Variants in CTPS2 observed in about 807,000 individuals in gnomAD.
The protein encoded by CTPS2 is CTP synthase 2, also known as CTP synthase II.
CTPS2 carries 19 observed loss-of-function variants against 46.8 expected under a neutral mutation model. The ratio of observed to expected loss-of-function variants is 0.41; its 90% CI spans 0.28 to 0.60. The LOEUF is 0.60. Among genes scored for constraint, CTPS2 ranks in the 20% least tolerant of loss-of-function variants. CTPS2 has a pLI of 0.35. For synonymous variants in CTPS2, 151 were observed against 165.2 expected, an observed-to-expected ratio of 0.91 and a Z score of 0.66; for missense variants, 286 against 447.6, an observed-to-expected ratio of 0.64 and a Z score of 3.26.
intron 16 of CTPS2, among the ~76,000 whole-genome samples, chrX:16,612,198 T>C (rs1387215805): frequency 8.9e-6 from 1 of 112,452 alleles, no homozygotes; most frequent in Non-Finnish European, 1.9e-5. Context: ...ATGCTGTTGA[T>C]TGCTTTAAAC....
At chrX:16,592,038 T>C (rs1928929883) in intron 17 of CTPS2, among the ~76,000 whole-genome samples, 1 of 111,490 alleles carries the variant, frequency 9.0e-6, no homozygotes, top group African/African-American at 3.3e-5. Context: ...GTTCCCATAA[T>C]ACTTACATTA....
chrX:16,690,490 G>T (rs1454430476), intron 7 of CTPS2, among the ~76,000 whole-genome samples: 1 of 111,717 alleles, frequency 9.0e-6, no homozygotes, highest in Non-Finnish European at 1.9e-5. Flanking sequence ...CTTCGGCAAT[G>T]ACTCTGAGGC....
intron 7 of CTPS2, among the ~76,000 whole-genome samples, chrX:16,690,986 T>G (rs749585543): frequency 8.9e-6 from 1 of 112,440 alleles, no homozygotes; most frequent in Non-Finnish European, 1.9e-5. Flanking sequence ...GTAGGCTTCA[T>G]GTGGTTCTCT....
intron 6 of CTPS2, among the ~76,000 whole-genome samples, chrX:16,692,180 G>A (rs892233865): frequency 3.6e-5 from 4 of 110,949 alleles, no homozygotes; most frequent in Non-Finnish European, 7.5e-5. Context: ...CGGACTGGGC[G>A]TGGTGCAATC....
chrX:16,656,218 T>A (rs775474154), intron 13 of CTPS2, among the ~76,000 whole-genome samples: 13 of 110,487 alleles, frequency 1.2e-4, no homozygotes, highest in Non-Finnish European at 1.1e-4. Flanking sequence ...TGTGCACATA[T>A]CTGTGCTTTA....
chrX:16,666,689 A>G (rs1921220071), intron 13 of CTPS2, among the ~76,000 whole-genome samples: 1 of 111,763 alleles, frequency 8.9e-6, no homozygotes, highest in Admixed American at 9.5e-5. Flanking sequence ...GCCTGGGAGG[A>G]ATCAGGATGC....
chrX:16,708,550 T>C (rs1261381362), intron 1 of CTPS2, among the ~76,000 whole-genome samples: 4 of 110,395 alleles, frequency 3.6e-5, no homozygotes, highest in Admixed American at 2.0e-4. Flanking sequence ...ATTATATATA[T>C]ACATATATTA....
At chrX:16,651,683 C>T (rs147142923) in intron 13 of CTPS2, among the ~76,000 whole-genome samples, 8 of 112,209 alleles carry the variant, frequency 7.1e-5, no homozygotes, top group East Asian at 2.8e-4. Context: ...ATGAGGCAAC[C>T]GTGCATTTCT....
intron 13 of CTPS2, among the ~76,000 whole-genome samples, chrX:16,664,132 G>A (rs547836217): frequency 5.4e-5 from 6 of 112,072 alleles, no homozygotes; most frequent in South Asian, 7.3e-4. Context: ...CACTGCGCCC[G>A]GCCATGTGTA....
At chrX:16,689,627 A>G (rs1167322501) in intron 7 of CTPS2, 26 bp from the exon 8 acceptor site, 1 of 1,172,284 alleles carries the variant, frequency 8.5e-7, no homozygotes, top group Non-Finnish European at 1.1e-6. Context: ...AAATCACCAT[A>G]CTTAGATGGA....
intron 8 of CTPS2, among the ~76,000 whole-genome samples, chrX:16,685,924 C>A (rs1471354160): frequency 9.3e-6 from 1 of 107,721 alleles, no homozygotes; most frequent in Non-Finnish European, 1.9e-5. Context: ...AGAATTGTGC[C>A]CACCTTGACT....
intron 1 of CTPS2, among the ~76,000 whole-genome samples, chrX:16,703,179 C>A (rs928825539): frequency 9.2e-6 from 1 of 109,145 alleles, no homozygotes; most frequent in South Asian, 4.0e-4. Context: ...TGAGCACCAC[C>A]ACGCCCTGCT....
At chrX:16,645,430 CGG>C (rs1300609897) in intron 13 of CTPS2, among the ~76,000 whole-genome samples, 1 of 110,721 alleles carries the variant, frequency 9.0e-6, no homozygotes, top group African/African-American at 3.3e-5. Context: ...CTTCAGCAGA[CGG>C]GAAGGGAGGG....
intron 13 of CTPS2, among the ~76,000 whole-genome samples, chrX:16,642,838 A>G (rs1352357511): frequency 8.9e-6 from 1 of 112,217 alleles, no homozygotes; most frequent in Non-Finnish European, 1.9e-5. Context: ...AATCTCAAAT[A>G]TGCTTTAGAT....
intron 13 of CTPS2, among the ~76,000 whole-genome samples, chrX:16,643,425 T>C (rs752623889): frequency 1.6e-4 from 18 of 111,243 alleles, no homozygotes; most frequent in Non-Finnish European, 3.4e-4. Context: ...CAGGCTGGTC[T>C]TGAATTCCTG....
intron 13 of CTPS2, among the ~76,000 whole-genome samples, chrX:16,657,478 G>A (rs1932847478): frequency 9.0e-6 from 1 of 110,738 alleles, no homozygotes; most frequent in Admixed American, 9.7e-5. Context: ...CTGGTATATA[G>A]TGACTTGGAA....
intron 16 of CTPS2, among the ~76,000 whole-genome samples, chrX:16,612,055 A>G (rs948134493): frequency 3.6e-5 from 4 of 112,166 alleles, no homozygotes; most frequent in Non-Finnish European, 7.5e-5. Flanking sequence ...AGCCAGGGAC[A>G]GACTATGTGA....
chrX:16,617,425 C>T (rs1930592514), intron 15 of CTPS2, among the ~76,000 whole-genome samples, 179 bp from the exon 16 acceptor site: 1 of 111,616 alleles, frequency 9.0e-6, no homozygotes, highest in African/African-American at 3.3e-5. Context: ...TAAAATGTAA[C>T]CACAGCACCT....
chrX:16,609,423 GAA>G (rs1930151365), intron 17 of CTPS2, 116 bp downstream of exon 17: 3 of 741,765 alleles, frequency 4.0e-6, no homozygotes, highest in Non-Finnish European at 4.0e-6. Context: ...ATGTTTAAGA[GAA>G]AAAAACTGAT....
Sources: gnomAD v4.1 joint callset for allele counts (sites outside exome capture counted in the v4.1 genomes callset) on GRCh38, gnomAD v4.1.1 for gene constraint, MANE v1.5 for transcripts, NCBI Gene and HGNC (gene_info 2026-07-23, HGNC 2026-07-21) for gene names.